TLK1: variants seen among roughly 807,000 people sequenced by gnomAD.
TLK1 encodes tousled like kinase 1, also known as serine/threonine-protein kinase tousled-like 1.
Under a neutral mutation model 105.3 loss-of-function variants are expected in TLK1, and 24 were observed. The ratio of observed to expected loss-of-function variants is 0.23; its 90% CI spans 0.17 to 0.32. The LOEUF (loss-of-function observed/expected upper bound fraction) is 0.32, where lower values mean the gene tolerates loss of function less well. Among genes scored for constraint, TLK1 ranks in the 10% least tolerant of loss-of-function variants. The probability of loss-of-function intolerance (pLI) is 1.00; values close to 1 mark genes in which losing one functional copy is unlikely to be tolerated. For synonymous variants in TLK1, 321 were observed against 310.4 expected (o/e 1.03, Z -0.36); for missense variants, 558 against 910.5 (o/e 0.61, Z 4.98).
intron 2 of TLK1, among the ~76,000 whole-genome samples, chr2:171,110,845 A>G (rs1321569016): frequency 1.3e-5 from 2 of 152,240 alleles, no homozygotes; most frequent in African/African-American, 2.4e-5. Flanking sequence ...ATAGTAAAAA[A>G]GGGTAATTTT....
chr2:171,151,527 T>C (rs1307934667), intron 1 of TLK1, among the ~76,000 whole-genome samples: 1 of 143,544 alleles, frequency 7.0e-6, no homozygotes, highest in African/African-American at 2.6e-5. Context: ...CAGGCTGGAG[T>C]GCAGTGGCGC....
chr2:171,180,189 T>A (rs7603858), intron 1 of TLK1, among the ~76,000 whole-genome samples: 34,914 of 150,856 alleles, frequency 0.23, 4,458 homozygotes, highest in Middle Eastern at 0.31. Flanking sequence ...CTGGCCTGGA[T>A]GACAGAGCGA....
chr2:171,199,194 G>T (rs1239170229), intron 1 of TLK1, among the ~76,000 whole-genome samples: 1 of 152,296 alleles, frequency 6.6e-6, no homozygotes, highest in Non-Finnish European at 1.5e-5. Context: ...ATAAAATCAT[G>T]CCAAGGTCAT....
At position 171,056,483 on chromosome 2, in the gene TLK1, A is replaced by T. The variant is rs1321450505; in HGVS notation, c.537T>A (p.Thr179=). ...RSPQNSHSHS[T]PSSSVRPNSP... ...AAAGATGACTTACAGATGAGGAAGG[A>T]GTGGAATGTGAATGTGAATTTTGAG... is the stretch of plus-strand genomic sequence containing the variant. The change falls in exon 6 of 21, where the codon ACT becomes ACA. Residue 179 remains threonine, a synonymous_variant. Transcript: ENST00000431350. The T allele has an allele frequency of 5.6e-6, 9 of 1,611,270 alleles. No homozygotes were observed. The highest frequency in any genetic ancestry group is 7.6e-6 in the Non-Finnish European group (9 of 1,178,874).
rs1683807171 is a variant in TLK1 at position 170,992,014 on chromosome 2, T to C, written c.*1766A>G. ...TACCCAGGAGTTGCCTTGATAATGGTTATTAGGTTTAACTTTAACAGCTTG... is the reference window on the plus strand; with the variant it reads ...TACCCAGGAGTTGCCTTGATAATGGCTATTAGGTTTAACTTTAACAGCTTG... On this transcript the variant is annotated 3_prime_UTR_variant, in exon 21 of 21. Transcript: ENST00000431350. 1 of 152,130 alleles carries C rather than the reference T, an allele frequency of 6.6e-6. No homozygotes were observed. The highest frequency in any genetic ancestry group is 1.5e-5 in the Non-Finnish European group (1 of 68,016). The allele number at this position is 152,130 out of a possible 1,614,324, so 9.4% of individuals were successfully genotyped here.
At chr2:171,211,877 A>C (rs1436752820) in intron 1 of TLK1, among the ~76,000 whole-genome samples, 2 of 110,620 alleles carry the variant, frequency 1.8e-5, no homozygotes, top group African/African-American at 3.6e-5. Context: ...ACAGAGTCTC[A>C]CTCTGTCACC....
intron 3 of TLK1, among the ~76,000 whole-genome samples, chr2:171,063,451 T>A (rs954543129): frequency 2.6e-5 from 4 of 152,168 alleles, no homozygotes; most frequent in Non-Finnish European, 4.4e-5. Context: ...GAAGAAAACA[T>A]AATTTTTCAG....
At chr2:171,036,025 C>T (rs1686315011) in intron 11 of TLK1, among the ~76,000 whole-genome samples, 1 of 152,182 alleles carries the variant, frequency 6.6e-6, no homozygotes, top group South Asian at 2.1e-4. Context: ...TGATTTGTTA[C>T]AGCAGCCATA....
intron 10 of TLK1, among the ~76,000 whole-genome samples, chr2:171,047,814 CTTTTA>C (rs1558906747): frequency 1.3e-5 from 2 of 152,076 alleles, no homozygotes; most frequent in African/African-American, 4.8e-5. Context: ...AATATTATTA[CTTTTA>C]TTTATTTCTC....
chr2:171,033,057 T>A (rs1686122448), intron 11 of TLK1, among the ~76,000 whole-genome samples: 1 of 151,918 alleles, frequency 6.6e-6, no homozygotes, highest in South Asian at 2.1e-4. Flanking sequence ...AATACAAAAA[T>A]TAGCCAGGCG....
chr2:171,028,279 C>G, intron 12 of TLK1, 60 bp downstream of exon 12: 2 of 1,249,486 alleles, frequency 1.6e-6, no homozygotes, highest in South Asian at 2.4e-5. Context: ...ACTTATAACA[C>G]AACTTCCCAC....
rs537881912 is a variant in TLK1 at position 171,203,618 on chromosome 2, A to G, written c.-6+27527T>C. On this transcript the variant is annotated intron_variant, in intron 1 of 20. Coordinates refer to the TLK1 transcript ENST00000521943. The stretch of plus-strand genomic sequence containing the variant: ...TGATGGGCACTTGGGTGGCTAACAC[A>G]TTTTGGCTACTGTAAATAATGCTGC... 7.5e-4 allele frequency among the ~76,000 whole-genome samples: 115 copies of G among 152,336 alleles called. 1 individual carries two copies. Among genetic ancestry groups the G allele is most frequent in the African/African-American group, 2.6e-3 (110 of 41,574 alleles).
intron 12 of TLK1, among the ~76,000 whole-genome samples, chr2:171,027,261 G>A (rs2105391673): frequency 6.6e-6 from 1 of 151,990 alleles, no homozygotes; most frequent in South Asian, 2.1e-4. Context: ...CTATAATTCA[G>A]CCTATTTAAA....
At chr2:171,057,905 T>TA (rs1687577176) in intron 5 of TLK1, among the ~76,000 whole-genome samples, 1 of 152,072 alleles carries the variant, frequency 6.6e-6, no homozygotes, top group Non-Finnish European at 1.5e-5. Flanking sequence ...GAAACACTAA[T>TA]ATGTATTTTG....
At position 171,118,034 on chromosome 2, in the gene TLK1, C is replaced by T. The variant is rs534507556; in HGVS notation, c.140-177G>A. 5.3e-5 allele frequency among the ~76,000 whole-genome samples: 8 copies of T among 152,250 alleles called. No homozygotes were observed. The East Asian group carries it at 1.5e-3, about 29-fold the overall frequency. ...TGTACACATCAACTTATCAAAACAT[C>T]CTACAATGGATTTCCAACACTTTTG... is the stretch of plus-strand genomic sequence containing the variant. On this transcript the variant is annotated intron_variant, in intron 1 of 20. Transcript: ENST00000431350.
chr2:171,160,224 G>T lies in TLK1; in HGVS notation c.139+66C>A, dbSNP rs1403698212. On this transcript the variant is annotated intron_variant, in intron 1 of 20. Transcript: ENST00000431350. The surrounding 1 kb of genome is among the most constrained non-coding windows in gnomAD (Gnocchi z 4.4). The stretch of plus-strand genomic sequence containing the variant: ...GCCCCGGGGCGGGGGGGGCGGGGGG[G>T]GGGCGCGGGGGTCCGCGGCGCGGGA... 3 of 1,285,526 alleles carry T rather than the reference G, an allele frequency of 2.3e-6. No homozygotes were observed. Among genetic ancestry groups the T allele is most frequent in the Non-Finnish European group, 3.0e-6 (3 of 1,012,678 alleles). 79.6% of individuals were successfully genotyped at this position (1,285,526 alleles called of 1,614,324 possible).
intron 12 of TLK1, among the ~76,000 whole-genome samples, chr2:171,027,079 T>C (rs1051575936): frequency 6.6e-6 from 1 of 152,150 alleles, no homozygotes; most frequent in Non-Finnish European, 1.5e-5. Context: ...TAATTTTCTA[T>C]TCCCTATAAA....
intron 1 of TLK1, among the ~76,000 whole-genome samples, chr2:171,215,440 A>C (rs1191586424): frequency 7.1e-6 from 1 of 140,228 alleles, no homozygotes; most frequent in African/African-American, 2.7e-5. Flanking sequence ...TCAAGTCTGC[A>C]TTCAGGCTCT....
At chr2:170,997,500 AAAGG>A (rs1343042214) in intron 19 of TLK1, among the ~76,000 whole-genome samples, 2 of 152,224 alleles carry the variant, frequency 1.3e-5, no homozygotes, top group African/African-American at 4.8e-5. Flanking sequence ...TTTCTTAAAA[AAAGG>A]AAAGAAAGCA....
Sources: gnomAD v4.1 joint callset for allele counts (sites outside exome capture counted in the v4.1 genomes callset) on GRCh38, gnomAD v4.1.1 for gene constraint, Gnocchi (gnomAD v3.1) non-coding constraint, MANE v1.5 for transcripts, NCBI Gene and HGNC (gene_info 2026-07-23, HGNC 2026-07-21) for gene names.